The following EBF1 variants were observed in gnomAD, a reference collection of about 807,000 sequenced individuals.
EBF1 encodes transcription factor COE1.
EBF1 carries 10 observed loss-of-function variants against 68.4 expected under a neutral mutation model. That is an observed-to-expected ratio of 0.15 (90% CI 0.09 to 0.25). The LOEUF is 0.25. Ranked by LOEUF, EBF1 falls within the 10% of genes least tolerant of loss-of-function variation. The pLI is 1.00. For synonymous variants in EBF1, 298 were observed against 299.8 expected, an observed-to-expected ratio of 0.99 and a Z score of 0.06; for missense variants, 509 against 794.4, an observed-to-expected ratio of 0.64 and a Z score of 4.32.
chr5:158,806,438 C>G (rs1052556732), intron 8 of EBF1, among the ~76,000 whole-genome samples: 1 of 152,092 alleles, frequency 6.6e-6, no homozygotes. Flanking sequence ...ATCCCTCCAG[C>G]AGTCTAGCAG....
At chr5:158,930,431 C>T (rs1457572540) in intron 6 of EBF1, among the ~76,000 whole-genome samples, 1 of 152,136 alleles carries the variant, frequency 6.6e-6, no homozygotes, top group Non-Finnish European at 1.5e-5. Flanking sequence ...GGCCATCATG[C>T]GGCAGGTTCT....
At chr5:158,740,286 G>C (rs915039540) in intron 10 of EBF1, among the ~76,000 whole-genome samples, 4 of 152,116 alleles carry the variant, frequency 2.6e-5, no homozygotes, top group Non-Finnish European at 5.9e-5. Flanking sequence ...CCTGAGCCTT[G>C]TGCTAACCAA....
At chr5:158,710,236 G>A (rs1010698493) in intron 14 of EBF1, among the ~76,000 whole-genome samples, 2 of 152,182 alleles carry the variant, frequency 1.3e-5, no homozygotes, top group African/African-American at 2.4e-5. Context: ...TGTGAGCACT[G>A]AGAAAATCAA....
intron 1 of EBF1, 49 bp downstream of exon 1, chr5:159,099,296 C>T: frequency 7.1e-7 from 1 of 1,410,694 alleles, no homozygotes; most frequent in Non-Finnish European, 9.3e-7. Context: ...CGCCTCCCGG[C>T]TCTCCCGCTC....
rs571146724 is a variant in EBF1 at position 158,699,798 on chromosome 5, G to A, written c.1745-656C>T. Among the ~76,000 whole-genome samples the A allele has an allele frequency of 5.1e-4, 77 of 152,274 alleles. No individual in the cohort carries two copies. The South Asian group carries it at 0.015, about 29-fold the overall frequency. ...ATATCACGGCTTCACTCAACGTTTC[G>A]GGAATGATCTGACCATATTTCCTAG... is the stretch of plus-strand genomic sequence containing the variant. On this transcript the variant is annotated intron_variant, in intron 15 of 15. Coordinates refer to ENST00000313708, the MANE Select transcript of EBF1 (RefSeq NM_024007.5).
At chr5:158,744,615 C>T (rs1229018893) in intron 10 of EBF1, among the ~76,000 whole-genome samples, 5 of 152,138 alleles carry the variant, frequency 3.3e-5, no homozygotes, top group African/African-American at 4.8e-5. Context: ...CTATAACTCC[C>T]AGTAAAAAGA....
At chr5:158,844,184 A>C (rs1175696485) in intron 6 of EBF1, among the ~76,000 whole-genome samples, 1 of 124,252 alleles carries the variant, frequency 8.0e-6, no homozygotes, top group Non-Finnish European at 1.7e-5. Flanking sequence ...TTTTTAACTC[A>C]AGCCTTTTTT....
intron 6 of EBF1, among the ~76,000 whole-genome samples, chr5:158,997,509 A>C (rs1347219002): frequency 6.6e-6 from 1 of 152,140 alleles, no homozygotes; most frequent in African/African-American, 2.4e-5. Context: ...TCAATGCATA[A>C]ATTAAGCTGC....
At chr5:158,722,023 G>A (rs975417196) in intron 11 of EBF1, among the ~76,000 whole-genome samples, 6 of 151,980 alleles carry the variant, frequency 3.9e-5, no homozygotes, top group Non-Finnish European at 7.4e-5. Flanking sequence ...CTGCACCCTT[G>A]TTGACTATGA....
Position 158,698,554 on chromosome 5 carries a change from T to G in EBF1, c.*557A>C. 1 of 220,222 alleles carries G rather than the reference T, an allele frequency of 4.5e-6. No homozygotes were observed. Among genetic ancestry groups the G allele is most frequent in the Non-Finnish European group, 9.1e-6 (1 of 109,530 alleles). 13.6% of individuals were successfully genotyped at this position (220,222 alleles called of 1,614,324 possible). ...TTGAAAATGCACTGTCTGAGCTAAC[T>G]ACCATTTGATATGCTTTAAGGCGCA... is the stretch of plus-strand genomic sequence containing the variant. On this transcript the variant is annotated 3_prime_UTR_variant, in exon 16 of 16. Coordinates refer to ENST00000313708, the MANE Select transcript of EBF1 (RefSeq NM_024007.5).
At chr5:158,987,639 G>A (rs1413512910) in intron 6 of EBF1, among the ~76,000 whole-genome samples, 1 of 152,198 alleles carries the variant, frequency 6.6e-6, no homozygotes, top group Non-Finnish European at 1.5e-5. Flanking sequence ...CAAGGAGGAA[G>A]TGGGGGATAG....
In EBF1 at chr5:158,859,958, C is replaced by T. The variant is rs1024021427; in HGVS notation, c.555-19848G>A. Among the ~76,000 whole-genome samples, 6 of 152,304 alleles carry T rather than the reference C, an allele frequency of 3.9e-5. 1 individual carries two copies. Among genetic ancestry groups the T allele is most frequent in the Admixed American group, 3.9e-4 (6 of 15,304 alleles). On this transcript the variant is annotated intron_variant, in intron 6 of 15. Transcript: ENST00000313708. ...ATTTTATACAATCCTGTTTCCTCCA[C>T]AATGTTTAGTAGAATCTTGTTTATA...
At chr5:158,885,886 T>A (rs1200335795) in intron 6 of EBF1, among the ~76,000 whole-genome samples, 2 of 152,216 alleles carry the variant, frequency 1.3e-5, no homozygotes, top group Non-Finnish European at 2.9e-5. Flanking sequence ...AAATATGTGA[T>A]CAAATGTAGC....
chr5:158,797,357 C>T (rs1018242711), intron 8 of EBF1, among the ~76,000 whole-genome samples: 1 of 152,216 alleles, frequency 6.6e-6, no homozygotes, highest in East Asian at 1.9e-4. Context: ...TCAGGGTGCA[C>T]CTTCGTGCCA....
intron 6 of EBF1, among the ~76,000 whole-genome samples, chr5:158,907,465 A>G (rs1205194874): frequency 6.6e-6 from 1 of 152,222 alleles, no homozygotes; most frequent in Non-Finnish European, 1.5e-5. Context: ...TAGATACCCA[A>G]TTAACATCTA....
At chr5:158,941,320 A>C (rs1209289988) in intron 6 of EBF1, 2 of 451,228 alleles carry the variant, frequency 4.4e-6, no homozygotes, top group Non-Finnish European at 8.9e-6. Context: ...TCAAGCATAA[A>C]TTCTTGTAGC....
chr5:158,877,518 C>G (rs992066463), intron 6 of EBF1, among the ~76,000 whole-genome samples: 8 of 152,128 alleles, frequency 5.3e-5, no homozygotes, highest in African/African-American at 1.9e-4. Context: ...CATGGAAGAA[C>G]TTTCTAAGCC....
intron 6 of EBF1, among the ~76,000 whole-genome samples, chr5:158,902,324 C>T (rs1203872205): frequency 2.0e-5 from 3 of 152,074 alleles, no homozygotes; most frequent in Non-Finnish European, 4.4e-5. Context: ...AATTACTGAG[C>T]AAGAGTATTG....
intron 14 of EBF1, among the ~76,000 whole-genome samples, chr5:158,710,060 T>A (rs948844657): frequency 3.5e-4 from 53 of 152,158 alleles, no homozygotes; most frequent in African/African-American, 1.3e-3. Context: ...GAATGTCTTA[T>A]TTTTTTATTC....
Sources: allele counts gnomAD v4.1 joint callset (sites outside exome capture counted in the v4.1 genomes callset), GRCh38; gene constraint gnomAD v4.1.1; transcripts MANE v1.5; gene names NCBI Gene and HGNC (gene_info 2026-07-23, HGNC 2026-07-21).